PPP6R3: variants seen among roughly 807,000 people sequenced by gnomAD.
PPP6R3 encodes the protein protein phosphatase 6 regulatory subunit 3, also known as serine/threonine-protein phosphatase 6 regulatory subunit 3.
Under a neutral mutation model 110.7 loss-of-function variants are expected in PPP6R3, and 38 were observed. That is an observed-to-expected ratio of 0.34 (90% CI 0.26 to 0.45). PPP6R3 has a LOEUF of 0.45. Ranked by LOEUF, PPP6R3 falls within the 20% of genes least tolerant of loss-of-function variation. The pLI is 1.00. For missense variants in PPP6R3, 870 were observed against 1,062.4 expected (o/e 0.82, Z 2.52); for synonymous variants, 369 against 373.5 (o/e 0.99, Z 0.14).
At position 68,539,445 on chromosome 11, in the gene PPP6R3, C is replaced by T. The variant is rs1022346461; in HGVS notation, c.227+1554C>T. On this transcript the variant is annotated intron_variant, in intron 3 of 23. Transcript: ENST00000393800. ...TTATATTGCTTCGTCAGTGTTTTTG[C>T]CTTTGAGGTTGCAAGAGCAAATGCA... Among the ~76,000 whole-genome samples, 12 of 152,278 alleles carry T rather than the reference C, an allele frequency of 7.9e-5. No homozygotes were observed. In the Middle Eastern group the frequency reaches 0.01, roughly 129 times the overall value.
chr11:68,467,524 G>C (rs1170950749), intron 1 of PPP6R3, among the ~76,000 whole-genome samples: 1 of 152,176 alleles, frequency 6.6e-6, no homozygotes, highest in Non-Finnish European at 1.5e-5. Flanking sequence ...ATGTAAATCT[G>C]AACAAAAATT....
chr11:68,573,114 T>TTATATATATATATA (rs60848718), intron 12 of PPP6R3, among the ~76,000 whole-genome samples: 1,623 of 61,308 alleles, frequency 0.026, 37 homozygotes, highest in Non-Finnish European at 0.03. Flanking sequence ...TTTACTTATT[T>TTATATATATATATA]TATATATATA....
chr11:68,494,044 A>G (rs930446758), intron 1 of PPP6R3, among the ~76,000 whole-genome samples: 2 of 149,084 alleles, frequency 1.3e-5, no homozygotes, highest in African/African-American at 4.9e-5. Context: ...AGGAGCTTGC[A>G]GTGGGCCGAG....
chr11:68,506,571 T>C (rs1171274393), intron 1 of PPP6R3, among the ~76,000 whole-genome samples: 1 of 152,076 alleles, frequency 6.6e-6, no homozygotes, highest in East Asian at 1.9e-4. Flanking sequence ...CACAAACACT[T>C]TTTTGTGGGA....
chr11:68,579,348 T>C (rs566071223), intron 14 of PPP6R3, among the ~76,000 whole-genome samples: 1 of 152,324 alleles, frequency 6.6e-6, no homozygotes, highest in African/African-American at 2.4e-5. Flanking sequence ...ACCAATTTGC[T>C]TTTTCCTGTA....
At chr11:68,509,877 G>A (rs1404434807) in intron 1 of PPP6R3, among the ~76,000 whole-genome samples, 2 of 149,832 alleles carry the variant, frequency 1.3e-5, no homozygotes, top group Non-Finnish European at 3.0e-5. Context: ...TGCCTCCCGA[G>A]TAGCTGGGAT....
chr11:68,511,435 T>G (rs2153534057), intron 1 of PPP6R3, among the ~76,000 whole-genome samples: 1 of 151,224 alleles, frequency 6.6e-6, no homozygotes, highest in Non-Finnish European at 1.5e-5. Flanking sequence ...AACTTTTGGT[T>G]TCCTCTGGAA....
chr11:68,461,917 A>G (rs1449699118), intron 1 of PPP6R3, among the ~76,000 whole-genome samples: 2 of 152,210 alleles, frequency 1.3e-5, no homozygotes, highest in South Asian at 2.1e-4. Flanking sequence ...CTGTGCCTCA[A>G]GTAGCAAGTG....
chr11:68,573,584 G>A (rs1219288969), intron 12 of PPP6R3, among the ~76,000 whole-genome samples: 1 of 152,052 alleles, frequency 6.6e-6, no homozygotes, highest in East Asian at 1.9e-4. Context: ...CTCCTATCTT[G>A]GCCAAGTCTC....
At chr11:68,529,917 A>C (rs2099227433) in intron 2 of PPP6R3, among the ~76,000 whole-genome samples, 1 of 152,172 alleles carries the variant, frequency 6.6e-6, no homozygotes, top group Non-Finnish European at 1.5e-5. Flanking sequence ...ACTGAATCAT[A>C]ATGTCATTAG....
chr11:68,588,198 C>G (rs1279966559), intron 16 of PPP6R3, among the ~76,000 whole-genome samples, 174 bp downstream of exon 16: 3 of 152,094 alleles, frequency 2.0e-5, no homozygotes, highest in Non-Finnish European at 4.4e-5. Context: ...ATAATTAGGA[C>G]TTAAAATAAC....
intron 3 of PPP6R3, among the ~76,000 whole-genome samples, chr11:68,539,053 G>C (rs1025597803): frequency 6.6e-6 from 1 of 152,220 alleles, no homozygotes; most frequent in Non-Finnish European, 1.5e-5. Flanking sequence ...CCGGGAGGCC[G>C]TGACAGACCT....
chr11:68,609,949 C>A lies in PPP6R3; in HGVS notation c.2496C>A (p.Asp832Glu). Residue 832 changes from aspartate to glutamate, a missense_variant, in exon 23 of 24, where the codon GAC (aspartate) becomes GAA (glutamate). By Grantham distance (45) the Asp-to-Glu change is conservative. Coordinates refer to ENST00000393800, the MANE Select transcript of PPP6R3 (RefSeq NM_001164161.2). ...LSTSQDAACK[D>E]AEECPETAEA... ...CCTCTCAAGATGCTGCTTGTAAAGA[C>A]GCAGAGGAGTGTCCCGAGACTGCAG... 6.2e-7 allele frequency: 1 copy of A among 1,614,162 alleles called. No homozygotes were observed. Among genetic ancestry groups the A allele is most frequent in the South Asian group, 1.1e-5 (1 of 91,082 alleles).
At chr11:68,524,513 G>T (rs2099185708) in intron 2 of PPP6R3, among the ~76,000 whole-genome samples, 1 of 151,904 alleles carries the variant, frequency 6.6e-6, no homozygotes. Flanking sequence ...CTATATTCTG[G>T]GATTTCTTTG....
At chr11:68,540,101 T>C (rs893637643) in intron 3 of PPP6R3, among the ~76,000 whole-genome samples, 2 of 152,204 alleles carry the variant, frequency 1.3e-5, no homozygotes, top group Admixed American at 6.5e-5. Context: ...AGACAGGCCA[T>C]GCAAGGCCTG....
At chr11:68,481,164 A>G (rs576191776) in intron 1 of PPP6R3, among the ~76,000 whole-genome samples, 1 of 152,296 alleles carries the variant, frequency 6.6e-6, no homozygotes, top group Admixed American at 6.5e-5. Flanking sequence ...AAAAAATATT[A>G]AAAGCCTTAC....
intron 1 of PPP6R3, among the ~76,000 whole-genome samples, chr11:68,467,948 A>G (rs1368980604): frequency 6.6e-6 from 1 of 151,914 alleles, no homozygotes; most frequent in Non-Finnish European, 1.5e-5. Context: ...CTAATTTTTT[A>G]TTTTTAGTAG....
intron 14 of PPP6R3, among the ~76,000 whole-genome samples, chr11:68,582,743 G>A (rs1333015132): frequency 4.6e-5 from 7 of 152,152 alleles, no homozygotes; most frequent in Admixed American, 2.0e-4. Context: ...TTTAATTGGA[G>A]GTGATTATCA....
At chr11:68,470,920 A>G (rs1040207083) in intron 1 of PPP6R3, among the ~76,000 whole-genome samples, 5 of 152,012 alleles carry the variant, frequency 3.3e-5, no homozygotes, top group Admixed American at 3.3e-4. Flanking sequence ...GCTTTTGGAG[A>G]GCAGATTGGA....
Sources: allele counts gnomAD v4.1 joint callset (sites outside exome capture counted in the v4.1 genomes callset), GRCh38; gene constraint gnomAD v4.1.1; transcripts MANE v1.5; gene names NCBI Gene and HGNC (gene_info 2026-07-23, HGNC 2026-07-21).